The following ANKRD28 variants were observed in gnomAD, a reference collection of about 807,000 sequenced individuals.
ANKRD28 encodes the protein ankyrin repeat domain 28, also known as serine/threonine-protein phosphatase 6 regulatory ankyrin repeat subunit A.
In ANKRD28, 44 loss-of-function variants were observed where a neutral mutation model predicts 126.5. That is an observed-to-expected ratio of 0.35 (90% CI 0.27 to 0.45). The LOEUF is 0.45. ANKRD28 is among the 20% of genes least tolerant of loss of function. The pLI is 1.00. For missense variants in ANKRD28, 1,110 were observed against 1,316.6 expected (o/e 0.84, Z 2.43); for synonymous variants, 442 against 468.5 (o/e 0.94, Z 0.73).
chr3:15,763,698 G>A (rs1374637954), intron 3 of ANKRD28, among the ~76,000 whole-genome samples: 1 of 152,168 alleles, frequency 6.6e-6, no homozygotes, highest in Non-Finnish European at 1.5e-5. Flanking sequence ...CGAAGAACCA[G>A]AGGTAGAAGG....
In ANKRD28 at chr3:15,846,934, T is replaced by C. The variant is rs1323432299; in HGVS notation, c.27+12443A>G. Among the ~76,000 whole-genome samples the C allele has an allele frequency of 1.3e-5, 2 of 152,208 alleles. No homozygotes were observed. The highest frequency in any genetic ancestry group is 1.5e-5 in the Non-Finnish European group (1 of 68,032). ...ATTTCCTATGGCCAGATTTCAATCA[T>C]ATGGCCATCCCCAAACACAAAAGGT... is the stretch of plus-strand genomic sequence containing the variant. On this transcript the variant is annotated intron_variant, in intron 1 of 27. Coordinates refer to the ANKRD28 transcript ENST00000399451. This position sits in a 1 kb window ranked among gnomAD's most constrained non-coding sequence, Gnocchi z 5.4.
chr3:15,730,391 T>C (rs905370499), intron 6 of ANKRD28, among the ~76,000 whole-genome samples: 3 of 152,018 alleles, frequency 2.0e-5, no homozygotes, highest in African/African-American at 4.8e-5. Flanking sequence ...AATAATTCAA[T>C]AGCATAAGTA....
intron 1 of ANKRD28, among the ~76,000 whole-genome samples, chr3:15,825,197 A>C (rs181789305): frequency 1.3e-5 from 2 of 152,334 alleles, no homozygotes; most frequent in Non-Finnish European, 2.9e-5. Context: ...CGCATGCAAG[A>C]TTAAATGAAG....
chr3:15,777,629 T>C (rs1450554130), intron 2 of ANKRD28, among the ~76,000 whole-genome samples: 1 of 152,200 alleles, frequency 6.6e-6, no homozygotes, highest in Non-Finnish European at 1.5e-5. Context: ...AAGTGTCAGC[T>C]GCCCAAGTAC....
At chr3:15,841,626 C>G (rs2061425981) in intron 1 of ANKRD28, among the ~76,000 whole-genome samples, 1 of 152,104 alleles carries the variant, frequency 6.6e-6, no homozygotes, top group Admixed American at 6.5e-5. Context: ...GGCAAAAGAT[C>G]TGAATAGGCA....
At chr3:15,801,849 A>G (rs1379717231), upstream of ANKRD28, among the ~76,000 whole-genome samples, 1 of 152,184 alleles carries the variant, frequency 6.6e-6, no homozygotes, top group African/African-American at 2.4e-5. This position sits in a 1 kb window ranked among gnomAD's most constrained non-coding sequence, Gnocchi z 4.9. Context: ...CAGGACACTT[A>G]TTTTTTATGC....
At chr3:15,809,957 C>G (rs1255729215) in intron 1 of ANKRD28, among the ~76,000 whole-genome samples, 1 of 152,090 alleles carries the variant, frequency 6.6e-6, no homozygotes, top group Non-Finnish European at 1.5e-5. Flanking sequence ...CTCTGCCTAG[C>G]ACATCCCCCT....
chr3:15,751,853 T>TTTTA, intron 3 of ANKRD28, 33 bp from the exon 4 acceptor site: 3 of 1,367,816 alleles, frequency 2.2e-6, no homozygotes, highest in Non-Finnish European at 3.0e-6. Context: ...AATTGAAATA[T>TTTTA]TGTACATAAA....
intron 6 of ANKRD28, among the ~76,000 whole-genome samples, chr3:15,734,913 CTG>C (rs5846875): frequency 0.63 from 95,197 of 151,694 alleles, 31,271 homozygotes; most frequent in East Asian, 0.91. Flanking sequence ...ATTTTGCAGA[CTG>C]TAAGATTTTT....
At chr3:15,737,339 G>C (rs2075086514) in intron 4 of ANKRD28, 106 bp from the exon 5 acceptor site, 1 of 962,564 alleles carries the variant, frequency 1.0e-6, no homozygotes, top group South Asian at 1.8e-5. Flanking sequence ...TACATATGAA[G>C]AAAATAAAAA....
chr3:15,764,541 GA>G (rs34328290), intron 3 of ANKRD28, among the ~76,000 whole-genome samples: 78,585 of 144,018 alleles, frequency 0.55, 21,422 homozygotes, highest in Admixed American at 0.62. Flanking sequence ...AATAAAAAAT[GA>G]AAAAAAAAAA....
At chr3:15,690,365 A>C in intron 17 of ANKRD28, 145 bp from the exon 18 acceptor site, 1 of 670,308 alleles carries the variant, frequency 1.5e-6, no homozygotes, top group Non-Finnish European at 2.4e-6. Flanking sequence ...GAATTCAGGA[A>C]GTTAACTACA....
chr3:15,772,571 A>C (rs1420493428), intron 2 of ANKRD28, among the ~76,000 whole-genome samples: 1 of 152,240 alleles, frequency 6.6e-6, no homozygotes, highest in African/African-American at 2.4e-5. Flanking sequence ...AGTATCATTC[A>C]ACTAAAACCA....
chr3:15,837,653 A>G (rs909656190), intron 1 of ANKRD28, among the ~76,000 whole-genome samples: 1 of 152,164 alleles, frequency 6.6e-6, no homozygotes, highest in Non-Finnish European at 1.5e-5. Context: ...TGCAGTGTTT[A>G]GAGGGAAAAT....
chr3:15,849,144 G>A (rs1442149302), intron 1 of ANKRD28, among the ~76,000 whole-genome samples: 3 of 152,196 alleles, frequency 2.0e-5, no homozygotes, highest in Non-Finnish European at 4.4e-5. Flanking sequence ...TACAAGATAC[G>A]ATGAGATTAA....
chr3:15,712,917 G>T (rs1451571185), intron 10 of ANKRD28, among the ~76,000 whole-genome samples: 4 of 152,056 alleles, frequency 2.6e-5, no homozygotes, highest in African/African-American at 9.7e-5. Flanking sequence ...AAGTAAAAAA[G>T]ATTTAAAACT....
chr3:15,848,400 T>C (rs138126710), intron 1 of ANKRD28, among the ~76,000 whole-genome samples: 125 of 152,306 alleles, frequency 8.2e-4, no homozygotes, highest in African/African-American at 2.8e-3. Flanking sequence ...AATAGCTGAA[T>C]GTAGTGGCTC....
intron 13 of ANKRD28, among the ~76,000 whole-genome samples, chr3:15,708,682 AT>A (rs572524424): frequency 1.3e-5 from 2 of 152,112 alleles, no homozygotes; most frequent in Non-Finnish European, 2.9e-5. Context: ...AGCCAAAGTG[AT>A]TTTTTTATTT....
chr3:15,804,656 T>C (rs1488655287), intron 1 of ANKRD28, among the ~76,000 whole-genome samples: 1 of 145,102 alleles, frequency 6.9e-6, no homozygotes, highest in Admixed American at 6.8e-5. Context: ...TTACAGCAAA[T>C]GAGACAAGTT....
Sources: allele counts gnomAD v4.1 joint callset (sites outside exome capture counted in the v4.1 genomes callset), GRCh38; gene constraint gnomAD v4.1.1; non-coding constraint Gnocchi (gnomAD v3.1); transcripts MANE v1.5; gene names NCBI Gene and HGNC (gene_info 2026-07-23, HGNC 2026-07-21).